Variants in PRDM12 observed in about 807,000 individuals in gnomAD.
PRDM12 encodes the protein PR domain zinc finger protein 12.
In PRDM12, 17 loss-of-function variants were observed where a neutral mutation model predicts 29.6. That is an observed-to-expected ratio of 0.57 (90% CI 0.39 to 0.86). The LOEUF (loss-of-function observed/expected upper bound fraction) is 0.86, where lower values mean the gene tolerates loss of function less well. Ranked by LOEUF, PRDM12 falls within the 40% of genes least tolerant of loss-of-function variation. The probability of loss-of-function intolerance (pLI) is 0.00; values close to 1 mark genes in which losing one functional copy is unlikely to be tolerated. For missense variants in PRDM12, 422 were observed against 510.8 expected, an observed-to-expected ratio of 0.83 and a Z score of 1.68; for synonymous variants, 231 against 225.8, an observed-to-expected ratio of 1.02 and a Z score of -0.21.
In PRDM12 at chr9:130,681,300, C is replaced by A; in HGVS notation, c.735C>A (p.Cys245Ter). The change falls in exon 5 of 5, where the codon TGC (cysteine) becomes TGA (stop). Residue 245 changes from cysteine (C) to a stop codon, truncating the protein, a stop_gained. Transcript: ENST00000253008. LOFTEE classifies it high-confidence loss of function. The surrounding 1 kb of genome is among the most constrained non-coding windows in gnomAD (Gnocchi z 8.1). ...SAAGPAGRMR[C>*]VICHRGFNSR... is the part of the protein sequence containing the mutation. ...CTGGCCCCGCGGGCCGCATGCGATG[C>A]GTCATCTGCCACCGCGGCTTCAACT... is the stretch of plus-strand genomic sequence containing the variant. 6.6e-7 allele frequency: 1 copy of A among 1,524,252 alleles called. No homozygotes were observed. Among genetic ancestry groups the A allele is most frequent in the Non-Finnish European group, 8.8e-7 (1 of 1,130,246 alleles). 94.4% of individuals were successfully genotyped at this position (1,524,252 alleles called of 1,614,324 possible).
intron 3 of PRDM12, among the ~76,000 whole-genome samples, chr9:130,672,325 A>G (rs1830796255): frequency 6.6e-6 from 1 of 152,150 alleles, no homozygotes; most frequent in Non-Finnish European, 1.5e-5. Context: ...CCTCCCAAGC[A>G]GCTGAGATTA....
chr9:130,678,769 A>G (rs1830866375), intron 4 of PRDM12, 129 bp downstream of exon 4: 1 of 716,618 alleles, frequency 1.4e-6, no homozygotes, highest in Non-Finnish European at 2.3e-6. Flanking sequence ...GTCTGGCAGC[A>G]TTGAGCAGAT....
rs1830898491 is a variant in PRDM12, at chr9:130,681,306, C to T, written c.741C>T (p.Ile247=). The T allele has an allele frequency of 1.3e-6, 2 of 1,533,234 alleles. No homozygotes were observed. Among genetic ancestry groups the T allele is most frequent in the South Asian group, 2.4e-5 (2 of 84,838 alleles). 95.0% of individuals were successfully genotyped at this position (1,533,234 alleles called of 1,614,324 possible). A position where few individuals can be genotyped will look rare whatever the true frequency, so the allele number is the denominator to read the frequency against. The change falls in exon 5 of 5, where the codon ATC becomes ATT. Residue 247 remains isoleucine (I), a synonymous_variant. Transcript: ENST00000253008. The surrounding 1 kb of genome is among the most constrained non-coding windows in gnomAD (Gnocchi z 8.1). ...AGPAGRMRCV[I]CHRGFNSRSN... is the part of the protein sequence containing the mutation. ...CCGCGGGCCGCATGCGATGCGTCAT[C>T]TGCCACCGCGGCTTCAACTCGCGCA...
At chr9:130,666,567 G>C (rs1052339355) in intron 1 of PRDM12, 41 bp from the exon 2 acceptor site, 1 of 1,584,796 alleles carries the variant, frequency 6.3e-7, no homozygotes, top group African/African-American at 1.4e-5. Flanking sequence ...GGCCTCGGCT[G>C]CCTCGGGCTC....
chr9:130,667,945 C>G (rs1413872374), intron 2 of PRDM12, among the ~76,000 whole-genome samples: 1 of 152,212 alleles, frequency 6.6e-6, no homozygotes, highest in Non-Finnish European at 1.5e-5. Flanking sequence ...CCATAGAGCC[C>G]TGGAGACTGA....
Position 130,681,329 on chromosome 9 carries a change from G to A in PRDM12, c.764G>A (p.Arg255His). ...CVICHRGFNS[R>H]SNLRSHMRIH... The stretch of plus-strand genomic sequence containing the variant: ...ATCTGCCACCGCGGCTTCAACTCGC[G>A]CAGCAACCTGCGCTCGCACATGCGC... Residue 255 changes from arginine to histidine, a missense_variant, in exon 5 of 5, where the codon CGC becomes CAC. Physicochemically the swap from Arg to His is conservative, Grantham distance 29. Coordinates refer to ENST00000253008, the MANE Select transcript of PRDM12 (RefSeq NM_021619.3). The surrounding 1 kb of genome is among the most constrained non-coding windows in gnomAD (Gnocchi z 8.1). The A allele has an allele frequency of 6.4e-7, 1 of 1,562,392 alleles. No individual in the cohort carries two copies.
At position 130,678,619 on chromosome 9, in the gene PRDM12, G is replaced by A; in HGVS notation, c.661G>A (p.Asp221Asn). ...CCCAGGTGTGCCCGGGCTAGAGGAGGACCAGAAAAAGAACAAGCATGGTAG... is the reference window on the plus strand; with the variant it reads ...CCCAGGTGTGCCCGGGCTAGAGGAGAACCAGAAAAAGAACAAGCATGGTAG... ...GIPGVPGLEE[D>N]QKKNKHEDFH... The change falls in exon 4 of 5, where the codon GAC becomes AAC. Residue 221 changes from aspartate (D) to asparagine (N), a missense_variant. Physicochemically the swap from Asp to Asn is conservative, Grantham distance 23. Around this residue, in one of 5 missense-constraint regions of PRDM12, gnomAD observed 300 missense variants for 350.0 expected, o/e 0.86. Transcript: ENST00000253008. 1 of 1,611,776 alleles carries A rather than the reference G, an allele frequency of 6.2e-7. No homozygotes were observed. Among genetic ancestry groups the A allele is most frequent in the Non-Finnish European group, 8.5e-7 (1 of 1,178,186 alleles).
intron 4 of PRDM12, among the ~76,000 whole-genome samples, chr9:130,680,012 T>G (rs1830879378): frequency 6.6e-6 from 1 of 152,146 alleles, no homozygotes; most frequent in Non-Finnish European, 1.5e-5. Flanking sequence ...GTTTATTAAG[T>G]CCTTGCTCTG....
At chr9:130,667,101 TGCCCAGGGTCCCCACGC>T (rs1830741059) in intron 2 of PRDM12, among the ~76,000 whole-genome samples, 1 of 152,228 alleles carries the variant, frequency 6.6e-6, no homozygotes, top group African/African-American at 2.4e-5. Context: ...TCAGGTCGCT[TGCCCAGGGTCCCCACGC>T]GCCATCCCTC....
At chr9:130,671,137 G>C (rs1830784997) in intron 3 of PRDM12, among the ~76,000 whole-genome samples, 1 of 152,204 alleles carries the variant, frequency 6.6e-6, no homozygotes, top group East Asian at 1.9e-4. Flanking sequence ...CTGAGGTCAG[G>C]AGTTCAAGAC....
rs1184634426 is a variant in PRDM12, at chr9:130,681,285, G to C, written c.720G>C (p.Ala240=). The change falls in exon 5 of 5, where the codon GCG becomes GCC. Residue 240 remains alanine, a synonymous_variant. Transcript: ENST00000253008. The surrounding 1 kb of genome is among the most constrained non-coding windows in gnomAD (Gnocchi z 8.1). ...FHPADSAAGP[A]GRMRCVICHR... Reference sequence around the variant, plus strand: ...CGGCGGACTCGGCGGCTGGCCCCGCGGGCCGCATGCGATGCGTCATCTGCC... The same window carrying C: ...CGGCGGACTCGGCGGCTGGCCCCGCCGGCCGCATGCGATGCGTCATCTGCC... 1.3e-6 allele frequency: 2 copies of C among 1,491,522 alleles called. No homozygotes were observed. The highest frequency in any genetic ancestry group is 1.8e-6 in the Non-Finnish European group (2 of 1,114,576). The allele number at this position is 1,491,522 out of a possible 1,614,324, so 92.4% of individuals were successfully genotyped here.
intron 2 of PRDM12, among the ~76,000 whole-genome samples, chr9:130,667,218 G>C (rs531543877): frequency 5.9e-5 from 9 of 152,354 alleles, no homozygotes; most frequent in African/African-American, 2.2e-4. Flanking sequence ...TGGGGGTGAG[G>C]TGGGGCTGGA....
chr9:130,676,120 T>C (rs776293163), intron 3 of PRDM12, among the ~76,000 whole-genome samples: 25 of 152,272 alleles, frequency 1.6e-4, no homozygotes, highest in Non-Finnish European at 1.9e-4. Flanking sequence ...TTATCTGCTT[T>C]TCTGGGAGGT....
intron 3 of PRDM12, among the ~76,000 whole-genome samples, chr9:130,674,122 C>A (rs1830814557): frequency 6.8e-6 from 1 of 147,326 alleles, no homozygotes; most frequent in Non-Finnish European, 1.5e-5. Flanking sequence ...TCAAGAGATT[C>A]TCCTGCCTCA....
chr9:130,681,504 C>T lies in PRDM12; in HGVS notation c.939C>T (p.Gly313=). The T allele has an allele frequency of 6.8e-7, 1 of 1,470,174 alleles. No individual in the cohort carries two copies. The allele number at this position is 1,470,174 out of a possible 1,614,324, so 91.1% of individuals were successfully genotyped here. ...VCQSAYSQLA[G]LRAHQKSARH... is the part of the protein sequence containing the mutation. ...AGAGCGCCTACTCGCAGCTGGCCGG[C>T]CTGCGCGCCCACCAGAAGAGCGCGC... is the stretch of plus-strand genomic sequence containing the variant. Residue 313 remains glycine, a synonymous_variant, in exon 5 of 5, where the codon GGC becomes GGT. Coordinates refer to ENST00000253008, the MANE Select transcript of PRDM12 (RefSeq NM_021619.3). The surrounding 1 kb of genome is among the most constrained non-coding windows in gnomAD (Gnocchi z 8.1).
rs139266687 is a variant in PRDM12 at position 130,678,613 on chromosome 9, G to A, written c.655G>A (p.Glu219Lys). 30 of 1,612,286 alleles carry A rather than the reference G, an allele frequency of 1.9e-5. No individual in the cohort carries two copies. The African/African-American group carries it at 3.9e-4, about 21-fold the overall frequency. ...FLGIPGVPGLEEDQKKNKHED... is the reference protein window; with the variant it reads ...FLGIPGVPGLKEDQKKNKHED... Reference sequence around the variant, plus strand: ...GGGGATCCCAGGTGTGCCCGGGCTAGAGGAGGACCAGAAAAAGAACAAGCA... The same window carrying A: ...GGGGATCCCAGGTGTGCCCGGGCTAAAGGAGGACCAGAAAAAGAACAAGCA... The change falls in exon 4 of 5, where the codon GAG (glutamate) becomes AAG (lysine). Residue 219 changes from glutamate (E) to lysine (K), a missense_variant. By Grantham distance (56) the Glu-to-Lys change is moderately conservative (BLOSUM62 1). This residue lies in a region of PRDM12 where 300 missense variants were observed against 350.0 expected (regional missense o/e 0.86). Transcript: ENST00000253008.
intron 3 of PRDM12, among the ~76,000 whole-genome samples, chr9:130,671,732 T>A (rs1830790972): frequency 6.6e-6 from 1 of 152,168 alleles, no homozygotes; most frequent in African/African-American, 2.4e-5. Context: ...CCCAGGCCAA[T>A]CCCTGGATGA....
intron 4 of PRDM12, among the ~76,000 whole-genome samples, chr9:130,679,530 G>C (rs918404074): frequency 3.3e-5 from 5 of 151,984 alleles, no homozygotes; most frequent in Non-Finnish European, 7.4e-5. Flanking sequence ...ATGGGGTTTT[G>C]TTATGTTGGC....
Position 130,681,274 on chromosome 9 carries a change from G to C in PRDM12, c.709G>C (p.Ala237Pro). The change falls in exon 5 of 5, where the codon GCT becomes CCT. Residue 237 changes from alanine to proline, a missense_variant. Coordinates refer to ENST00000253008, the MANE Select transcript of PRDM12 (RefSeq NM_021619.3). The surrounding 1 kb of genome is among the most constrained non-coding windows in gnomAD (Gnocchi z 8.1). The part of the protein sequence containing the change: ...HEDFHPADSA[A>P]GPAGRMRCVI... ...GGACTTCCACCCGGCGGACTCGGCG[G>C]CTGGCCCCGCGGGCCGCATGCGATG... The C allele has an allele frequency of 6.8e-7, 1 of 1,478,048 alleles. No individual in the cohort carries two copies. Among genetic ancestry groups the C allele is most frequent in the Non-Finnish European group, 9.0e-7 (1 of 1,108,438 alleles). 91.6% of individuals were successfully genotyped at this position (1,478,048 alleles called of 1,614,324 possible). A position where few individuals can be genotyped will look rare whatever the true frequency, so the allele number is the denominator to read the frequency against.
Sources: allele counts gnomAD v4.1 joint callset (sites outside exome capture counted in the v4.1 genomes callset), GRCh38; gene constraint gnomAD v4.1.1; regional missense constraint gnomAD v4.1.1; non-coding constraint Gnocchi (gnomAD v3.1); transcripts MANE v1.5; gene names NCBI Gene and HGNC (gene_info 2026-07-23, HGNC 2026-07-21).